TANC1: variants seen among roughly 807,000 people sequenced by gnomAD.
TANC1 encodes tetratricopeptide repeat, ankyrin repeat and coiled-coil containing 1, also known as protein TANC1.
In TANC1, 77 loss-of-function variants were observed where a neutral mutation model predicts 149.7. That is an observed-to-expected ratio of 0.51 (90% CI 0.43 to 0.62). The LOEUF is 0.62. TANC1 is among the 20% of genes least tolerant of loss of function. The pLI is 0.00. For synonymous variants in TANC1, 854 were observed against 925.0 expected (o/e 0.92, Z 1.39); for missense variants, 1,985 against 2,321.8 (o/e 0.85, Z 2.98).
At chr2:159,118,310 A>T (rs2048502164) in intron 4 of TANC1, among the ~76,000 whole-genome samples, 1 of 152,210 alleles carries the variant, frequency 6.6e-6, no homozygotes, top group South Asian at 2.1e-4. Context: ...CGCTGTGTGC[A>T]GCCCACACTT....
rs1017571864 is a variant in TANC1, at chr2:158,974,451, C to T, written c.-126+5669C>T. 2.8e-4 allele frequency among the ~76,000 whole-genome samples: 43 copies of T among 152,132 alleles called. No homozygotes were observed. The East Asian group carries it at 5.0e-3, about 18-fold the overall frequency. The stretch of plus-strand genomic sequence containing the variant: ...TATATATTTTTTAATTTTATTATTT[C>T]GAGACAGAGTCTCACTCTGTTACCC... On this transcript the variant is annotated intron_variant, in intron 1 of 26. Transcript: ENST00000263635.
chr2:159,086,738 A>C (rs564571299), intron 3 of TANC1, among the ~76,000 whole-genome samples: 2 of 152,314 alleles, frequency 1.3e-5, no homozygotes, highest in African/African-American at 4.8e-5. Flanking sequence ...AGGAAGGGGA[A>C]AAAACCGTTC....
intron 4 of TANC1, among the ~76,000 whole-genome samples, chr2:159,133,239 A>G (rs918499016): frequency 6.6e-6 from 1 of 152,154 alleles, no homozygotes; most frequent in Non-Finnish European, 1.5e-5. Flanking sequence ...GGTCCTTCAA[A>G]TGGATGAGGG....
intron 22 of TANC1, among the ~76,000 whole-genome samples, chr2:159,220,377 G>A (rs986046960): frequency 2.1e-4 from 27 of 128,468 alleles, no homozygotes; most frequent in African/African-American, 3.3e-4. Context: ...GTGCGATCTC[G>A]GCTCACTGCA....
At chr2:158,982,741 G>A (rs894671652) in intron 1 of TANC1, among the ~76,000 whole-genome samples, 3 of 152,156 alleles carry the variant, frequency 2.0e-5, no homozygotes, top group African/African-American at 7.2e-5. Flanking sequence ...CCCAAGAGCT[G>A]GGACCACAGG....
intron 3 of TANC1, among the ~76,000 whole-genome samples, chr2:159,070,651 T>C (rs1216716527): frequency 6.6e-6 from 1 of 152,194 alleles, no homozygotes; most frequent in African/African-American, 2.4e-5. Flanking sequence ...GGCAGGTGCA[T>C]ATAAATGGCC....
intron 1 of TANC1, among the ~76,000 whole-genome samples, chr2:158,978,543 T>A (rs188888664): frequency 6.6e-6 from 1 of 152,114 alleles, no homozygotes; most frequent in South Asian, 2.1e-4. Context: ...AGAGTCCTTG[T>A]GGAGTAACAC....
intron 3 of TANC1, among the ~76,000 whole-genome samples, chr2:159,084,386 T>C (rs770400577): frequency 6.8e-4 from 104 of 152,242 alleles, no homozygotes; most frequent in Non-Finnish European, 1.3e-3. Flanking sequence ...GAATGTGAGC[T>C]AAGTTGGTAG....
chr2:159,201,166 C>A lies in TANC1; in HGVS notation c.3244+2113C>A, dbSNP rs1224385694. Among the ~76,000 whole-genome samples the A allele has an allele frequency of 2.6e-5, 4 of 152,190 alleles. No homozygotes were observed. The South Asian group carries it at 6.2e-4, about 24-fold the overall frequency. On this transcript the variant is annotated intron_variant, in intron 19 of 26. Coordinates refer to ENST00000263635, the MANE Select transcript of TANC1 (RefSeq NM_033394.3). ...TTCTCTTGTGCCCCTTCAAAGACAA[C>A]CACTATCGTCTACTGCCCCAAGCCT...
intron 16 of TANC1, among the ~76,000 whole-genome samples, chr2:159,189,558 CT>C (rs1013697003): frequency 3.5e-4 from 52 of 149,854 alleles, no homozygotes; most frequent in African/African-American, 9.5e-4. Context: ...TATACATACA[CT>C]TTTTTTTTTA....
chr2:159,116,000 G>C (rs2048202738), intron 4 of TANC1, among the ~76,000 whole-genome samples: 1 of 152,188 alleles, frequency 6.6e-6, no homozygotes, highest in African/African-American at 2.4e-5. Context: ...ACGAAGCCAT[G>C]CTTGTGAAGA....
chr2:158,992,607 A>G (rs1036783028), intron 1 of TANC1, among the ~76,000 whole-genome samples: 1 of 150,442 alleles, frequency 6.6e-6, no homozygotes, highest in Non-Finnish European at 1.5e-5. Flanking sequence ...GGTTCATGCC[A>G]TTCTCCTGCC....
rs555005582 is a variant in TANC1 at position 159,061,261 on chromosome 2, G to A, written c.-15-4635G>A. On this transcript the variant is annotated intron_variant, in intron 2 of 26. Transcript: ENST00000263635. ...AACAAAGAGGCTGGTCTTTCCTTTT[G>A]TTGGGGCTCAGGACAGGATACCCCC... is the stretch of plus-strand genomic sequence containing the variant. Among the ~76,000 whole-genome samples, 17 of 152,218 alleles carry A rather than the reference G, an allele frequency of 1.1e-4. No individual in the cohort carries two copies. The South Asian group carries it at 3.1e-3, about 28-fold the overall frequency.
chr2:158,974,212 G>A (rs2033316423), intron 1 of TANC1, among the ~76,000 whole-genome samples: 2 of 152,086 alleles, frequency 1.3e-5, no homozygotes, highest in African/African-American at 4.8e-5. Context: ...CAGAAATGGG[G>A]GCCAGGTTCC....
At chr2:159,009,904 C>A (rs2037591825) in intron 2 of TANC1, among the ~76,000 whole-genome samples, 1 of 151,652 alleles carries the variant, frequency 6.6e-6, no homozygotes, top group East Asian at 1.9e-4. Flanking sequence ...AAAAAAAAAT[C>A]TGTGTACCTA....
chr2:159,155,894 TA>T (rs201171793), intron 7 of TANC1, among the ~76,000 whole-genome samples: 3 of 151,882 alleles, frequency 2.0e-5, no homozygotes, highest in African/African-American at 2.4e-5. Context: ...TTAGGATGTT[TA>T]AAAAAAAATT....
At chr2:159,221,122 G>A (rs73004929) in intron 22 of TANC1, among the ~76,000 whole-genome samples, 15,958 of 152,188 alleles carry the variant, frequency 0.1, 1,066 homozygotes, top group East Asian at 0.25. Context: ...AGGCCAAGAT[G>A]GGCAGATCAC....
intron 5 of TANC1, chr2:159,148,287 G>A (rs921140445): frequency 2.0e-5 from 3 of 152,166 alleles, no homozygotes; most frequent in African/African-American, 7.2e-5. Flanking sequence ...TGTGAATATC[G>A]TTTTATTTAT....
intron 1 of TANC1, among the ~76,000 whole-genome samples, chr2:158,974,592 C>T (rs1243846451): frequency 6.6e-6 from 1 of 152,154 alleles, no homozygotes; most frequent in African/African-American, 2.4e-5. Context: ...GCCACCACGC[C>T]TGGCTAATTT....
Sources: allele counts gnomAD v4.1 joint callset (sites outside exome capture counted in the v4.1 genomes callset), GRCh38; gene constraint gnomAD v4.1.1; transcripts MANE v1.5; gene names NCBI Gene and HGNC (gene_info 2026-07-23, HGNC 2026-07-21).